The following CEP192 variants were observed in gnomAD, a reference collection of about 807,000 sequenced individuals.
CEP192 encodes centrosomal protein 192, also known as centrosomal protein of 192 kDa.
A neutral mutation model predicts 271.8 loss-of-function variants in CEP192; 151 were observed. The ratio of observed to expected loss-of-function variants is 0.56; its 90% CI spans 0.49 to 0.64. CEP192 has a LOEUF of 0.64. Ranked by LOEUF, CEP192 falls within the 30% of genes least tolerant of loss-of-function variation. The probability of loss-of-function intolerance (pLI) is 0.00; values close to 1 mark genes in which losing one functional copy is unlikely to be tolerated. For missense variants in CEP192, 2,910 were observed against 3,020.5 expected (o/e 0.96, Z 0.86); for synonymous variants, 995 against 1,076.5 (o/e 0.92, Z 1.48).
At chr18:13,117,523 C>A in intron 43 of CEP192, 62 bp from the exon 44 acceptor site, 1 of 1,201,004 alleles carries the variant, frequency 8.3e-7, no homozygotes, top group Non-Finnish European at 1.2e-6. Context: ...GCTTGGTATG[C>A]TTATATATGC....
chr18:13,122,485 G>A (rs1384885420), intron 44 of CEP192, among the ~76,000 whole-genome samples: 1 of 152,212 alleles, frequency 6.6e-6, no homozygotes, highest in Admixed American at 6.5e-5. Context: ...GGAGGTTGAG[G>A]CAGGAGAATG....
At chr18:12,992,128 C>A (rs1190320597) in intron 1 of CEP192, among the ~76,000 whole-genome samples, 2 of 152,124 alleles carry the variant, frequency 1.3e-5, no homozygotes, top group Non-Finnish European at 2.9e-5. Flanking sequence ...TCAAGTCAGT[C>A]GTTTGGAGAA....
chr18:12,994,620 T>C (rs2033099254), intron 1 of CEP192, among the ~76,000 whole-genome samples: 1 of 152,086 alleles, frequency 6.6e-6, no homozygotes, highest in Non-Finnish European at 1.5e-5. Flanking sequence ...AGATATAGAC[T>C]ATTTCAGGGT....
chr18:13,093,996 A>T (rs2144773667), intron 34 of CEP192, among the ~76,000 whole-genome samples: 1 of 152,332 alleles, frequency 6.6e-6, no homozygotes, highest in Admixed American at 6.5e-5. Context: ...CTTACCAATG[A>T]CCTTGATGTT....
intron 1 of CEP192, among the ~76,000 whole-genome samples, chr18:12,993,174 G>A (rs1386250502): frequency 6.6e-6 from 1 of 152,182 alleles, no homozygotes; most frequent in East Asian, 1.9e-4. Context: ...GAGCAGGAGG[G>A]ATCAGGATGG....
At chr18:13,101,746 T>G (rs1003437799) in intron 38 of CEP192, among the ~76,000 whole-genome samples, 2 of 152,160 alleles carry the variant, frequency 1.3e-5, no homozygotes, top group Non-Finnish European at 2.9e-5. Context: ...ACTTGCTGAC[T>G]GTCGCCCATC....
In CEP192 at chr18:13,100,476, A is replaced by G. The variant is rs1466000504; in HGVS notation, c.6835A>G (p.Ile2279Val). The change falls in exon 38 of 45, where the codon ATT (isoleucine) becomes GTT (valine). Residue 2279 changes from isoleucine (I) to valine (V), a missense_variant. Transcript: ENST00000506447. ...AAAAGTTGAAATAAGAAACAAGAGT[A>G]TTACTTTTCCTACAACAGAACCTGG... ...STKVEIRNKS[I>V]TFPTTEPGET... 1 of 1,613,986 alleles carries G rather than the reference A, an allele frequency of 6.2e-7. No individual in the cohort carries two copies. The highest frequency in any genetic ancestry group is 1.7e-5 in the Admixed American group (1 of 60,034).
chr18:13,114,329 CTT>C (rs2040338907), intron 42 of CEP192, 78 bp downstream of exon 42: 3 of 1,477,758 alleles, frequency 2.0e-6, no homozygotes, highest in Non-Finnish European at 2.8e-6. Flanking sequence ...TGCTCGATGA[CTT>C]TACCTGAGTT....
chr18:13,037,346 A>T, intron 12 of CEP192, 45 bp downstream of exon 12: 1 of 817,910 alleles, frequency 1.2e-6, no homozygotes, highest in Non-Finnish European at 2.0e-6. Context: ...TTTTTCCTGT[A>T]TTAGTGTAAG....
At chr18:13,114,718 T>C (rs1405856899) in intron 42 of CEP192, among the ~76,000 whole-genome samples, 1 of 152,230 alleles carries the variant, frequency 6.6e-6, no homozygotes, top group Non-Finnish European at 1.5e-5. Context: ...TTTCTAAAGA[T>C]GACATACATT....
rs2034711884 is a variant in CEP192 at position 13,017,351 on chromosome 18, T to A, written c.789+15T>A. On this transcript the variant is annotated intron_variant, in intron 7 of 44. Coordinates refer to ENST00000506447, the MANE Select transcript of CEP192 (RefSeq NM_032142.4). ...GTCTTAGACAGGTGTGTTCCAGTCT[T>A]TATGATTTTTCAGAAATTTGACATT... The A allele has an allele frequency of 6.7e-7, 1 of 1,489,546 alleles. No individual in the cohort carries two copies. The highest frequency in any genetic ancestry group is 1.4e-5 in the African/African-American group (1 of 69,680). 92.3% of individuals were successfully genotyped at this position (1,489,546 alleles called of 1,614,324 possible). A position where few individuals can be genotyped will look rare whatever the true frequency, so the allele number is the denominator to read the frequency against.
intron 30 of CEP192, among the ~76,000 whole-genome samples, chr18:13,080,809 T>C (rs2038563280): frequency 6.6e-6 from 1 of 152,112 alleles, no homozygotes; most frequent in African/African-American, 2.4e-5. Flanking sequence ...TGAGATATAT[T>C]CCATCAATAC....
At chr18:13,019,375 AT>A (rs1187844141) in intron 9 of CEP192, among the ~76,000 whole-genome samples, 169 bp downstream of exon 9, 1 of 152,220 alleles carries the variant, frequency 6.6e-6, no homozygotes, top group Admixed American at 6.5e-5. Context: ...GTATCATACA[AT>A]TATATACATT....
rs1555698196 is a variant in CEP192, at chr18:13,000,091, C to CTCTCTTTTTTTTTTTT, written c.164+504_164+505insCTCTTTTTTTTTTTTT. ...CTCTGTATAACTCATTGTCTTCTCT[C>CTCTCTTTTTTTTTTTT]TTTTTTTTTTTTTTTTTTTTTTTTT... On this transcript the variant is annotated intron_variant, in intron 2 of 44. Coordinates refer to ENST00000506447, the MANE Select transcript of CEP192 (RefSeq NM_032142.4). 4.3e-4 allele frequency among the ~76,000 whole-genome samples: 33 copies of CTCTCTTTTTTTTTTTT among 76,756 alleles called. 6 individuals carry two copies. The highest frequency in any genetic ancestry group is 1.5e-3 in the East Asian group (4 of 2,630). The allele number at this position is 76,756 out of a possible 152,430, so 50.4% of individuals were successfully genotyped here.
At chr18:13,092,240 A>G in intron 33 of CEP192, 137 bp from the exon 34 acceptor site, 1 of 559,362 alleles carries the variant, frequency 1.8e-6, no homozygotes, top group Non-Finnish European at 3.0e-6. Context: ...GCCAGGTGGT[A>G]TACTGCTAAT....
chr18:13,029,647 A>C lies in CEP192; in HGVS notation c.1051-16A>C. On this transcript the variant is annotated splice_polypyrimidine_tract_variant and intron_variant, in intron 9 of 44. Transcript: ENST00000506447. The stretch of plus-strand genomic sequence containing the variant: ...TACTGTTGCTCTGTTAAAAAATCTG[A>C]TTTTTTGTTTTAAAGGAATGTGCAA... 6.9e-7 allele frequency: 1 copy of C among 1,448,952 alleles called. No individual in the cohort carries two copies. Among genetic ancestry groups the C allele is most frequent in the Admixed American group, 2.7e-5 (1 of 37,338 alleles). 89.8% of individuals were successfully genotyped at this position (1,448,952 alleles called of 1,614,324 possible).
intron 1 of CEP192, among the ~76,000 whole-genome samples, chr18:12,992,553 A>C (rs2032935040): frequency 1.3e-5 from 2 of 152,242 alleles, no homozygotes; most frequent in Non-Finnish European, 2.9e-5. Flanking sequence ...GGATAGAAGA[A>C]AAATATTGTC....
At position 13,099,463 on chromosome 18, in the gene CEP192, A is replaced by T. The variant is rs751328779; in HGVS notation, c.6558-13A>T. 2 of 1,345,690 alleles carry T rather than the reference A, an allele frequency of 1.5e-6. No individual in the cohort carries two copies. The highest frequency in any genetic ancestry group is 1.0e-6 in the Non-Finnish European group (1 of 961,520). 83.4% of individuals were successfully genotyped at this position (1,345,690 alleles called of 1,614,324 possible). On this transcript the variant is annotated splice_polypyrimidine_tract_variant and intron_variant, in intron 36 of 44. Transcript: ENST00000506447. ...CAGGCTCTTTTTAATTTTCTTATTAATTTTTTTTAAAGGAGTAAACTACAA... is the reference window on the plus strand; with the variant it reads ...CAGGCTCTTTTTAATTTTCTTATTATTTTTTTTTAAAGGAGTAAACTACAA...
chr18:13,046,307 C>A (rs996913751), intron 15 of CEP192, among the ~76,000 whole-genome samples: 1 of 152,192 alleles, frequency 6.6e-6, no homozygotes, highest in Non-Finnish European at 1.5e-5. Context: ...GACCCAAACA[C>A]CTCCCACCTG....
Sources: allele counts gnomAD v4.1 joint callset (sites outside exome capture counted in the v4.1 genomes callset), GRCh38; gene constraint gnomAD v4.1.1; transcripts MANE v1.5; gene names NCBI Gene and HGNC (gene_info 2026-07-23, HGNC 2026-07-21).